The following PSMC1 variants were observed in gnomAD, a reference collection of about 807,000 sequenced individuals.
PSMC1 encodes 26S proteasome regulatory subunit 4.
A neutral mutation model predicts 49.8 loss-of-function variants in PSMC1; 5 were observed. The ratio of observed to expected loss-of-function variants is 0.10; its 90% confidence interval spans 0.05 to 0.21. The LOEUF (loss-of-function observed/expected upper bound fraction) is 0.21, where lower values mean the gene tolerates loss of function less well. Among genes scored for constraint, PSMC1 ranks in the 10% least tolerant of loss-of-function variants. The probability of loss-of-function intolerance (pLI) is 1.00; values close to 1 mark genes in which losing one functional copy is unlikely to be tolerated. For synonymous variants in PSMC1, 155 were observed against 192.1 expected (o/e 0.81, Z 1.60); for missense variants, 181 against 535.7 (o/e 0.34, Z 6.54).
chr14:90,270,424 T>C (rs1046064411), intron 10 of PSMC1, 72 bp downstream of exon 10: 1 of 1,510,784 alleles, frequency 6.6e-7, no homozygotes, highest in Middle Eastern at 1.7e-4. Context: ...ATATGTGCTC[T>C]TGGGATGGTG....
intron 8 of PSMC1, 173 bp from the exon 9 acceptor site, chr14:90,269,224 C>A: frequency 1.6e-6 from 1 of 609,492 alleles, no homozygotes; most frequent in Non-Finnish European, 2.8e-6. Context: ...TACATTCAGA[C>A]CATGGCAAGG....
chr14:90,272,082 T>G lies in PSMC1; in HGVS notation c.1189-191T>G. 2.3e-6 allele frequency: 1 copy of G among 438,022 alleles called. No individual in the cohort carries two copies. The highest frequency in any genetic ancestry group is 4.2e-6 in the Non-Finnish European group (1 of 239,190). The allele number at this position is 438,022 out of a possible 1,614,324, so 27.1% of individuals were successfully genotyped here. A position where few individuals can be genotyped will look rare whatever the true frequency, so the allele number is the denominator to read the frequency against. ...TAACTTTTTGTATTTTTAGTAGAGA[T>G]GGGGTTTCACCGTGTTGGCCAGGCT... On this transcript the variant is annotated intron_variant, in intron 10 of 10. Coordinates refer to ENST00000261303, the MANE Select transcript of PSMC1 (RefSeq NM_002802.3). This position sits in a 1 kb window ranked among gnomAD's most constrained non-coding sequence, Gnocchi z 4.5.
intron 9 of PSMC1, chr14:90,269,850 T>C: frequency 5.1e-6 from 2 of 394,356 alleles, no homozygotes; most frequent in South Asian, 4.8e-5. Context: ...GATGGTAGGA[T>C]TTGTCCTTTT....
rs749395699 is a variant in PSMC1, at chr14:90,265,092, C to G, written c.617C>G (p.Thr206Ser). The change falls in exon 7 of 11, where the codon ACC becomes AGC. Residue 206 changes from threonine to serine, a missense_variant. By Grantham distance (58) the Thr-to-Ser change is moderately conservative (BLOSUM62 1). Transcript: ENST00000261303. Reference protein sequence around the residue: ...EIKESVELPLTHPEYYEEMGI... With the variant: ...EIKESVELPLSHPEYYEEMGI... ...TAGGAATCTGTGGAGCTTCCTCTCA[C>G]CCATCCTGAATATTATGAAGAGATG... 1 of 1,612,300 alleles carries G rather than the reference C, an allele frequency of 6.2e-7. No individual in the cohort carries two copies. Among genetic ancestry groups the G allele is most frequent in the Non-Finnish European group, 8.5e-7 (1 of 1,178,790 alleles).
chr14:90,269,662 CTT>C lies in PSMC1; in HGVS notation c.1033+115_1033+116del. ...TAAAAAAGCAAATACTGCAGTGAAA[CTT>C]AGGATAATTTACAAAAAAATAGGTC... On this transcript the variant is annotated intron_variant, in intron 9 of 10. Transcript: ENST00000261303. 4 of 1,216,354 alleles carry C rather than the reference CTT, an allele frequency of 3.3e-6. No homozygotes were observed. The South Asian group carries it at 4.6e-5, about 14-fold the overall frequency. 75.3% of individuals were successfully genotyped at this position (1,216,354 alleles called of 1,614,324 possible). A position where few individuals can be genotyped will look rare whatever the true frequency, so the allele number is the denominator to read the frequency against.
At chr14:90,269,844 G>A (rs923177687) in intron 9 of PSMC1, 3 of 394,190 alleles carry the variant, frequency 7.6e-6, no homozygotes, top group African/African-American at 4.1e-5. Context: ...TCATGTGATG[G>A]TAGGATTTGT....
intron 3 of PSMC1, among the ~76,000 whole-genome samples, chr14:90,261,962 T>C (rs1271577964): frequency 1.3e-5 from 2 of 151,900 alleles, no homozygotes; most frequent in Non-Finnish European, 2.9e-5. Flanking sequence ...TGGAATACTA[T>C]GCAGCCATAA....
At position 90,272,231 on chromosome 14, in the gene PSMC1, A is replaced by T; in HGVS notation, c.1189-42A>T. On this transcript the variant is annotated intron_variant, in intron 10 of 10. Transcript: ENST00000261303. The surrounding 1 kb of genome is among the most constrained non-coding windows in gnomAD (Gnocchi z 4.5). ...TTTTGGAATTCCTTGTTAGAATAAA[A>T]ATGAGTATGTCACTTTCTGAACACA... The T allele has an allele frequency of 6.3e-7, 1 of 1,594,278 alleles. No individual in the cohort carries two copies. The highest frequency in any genetic ancestry group is 8.5e-7 in the Non-Finnish European group (1 of 1,174,732).
At chr14:90,260,344 T>C (rs1891373462) in intron 3 of PSMC1, 133 bp downstream of exon 3, 1 of 652,722 alleles carries the variant, frequency 1.5e-6, no homozygotes, top group East Asian at 2.6e-5. Context: ...GATTCATTTC[T>C]ACCTCACTCT....
chr14:90,260,188 AT>A lies in PSMC1; in HGVS notation c.132del (p.Asp44GlufsTer9). The A allele has an allele frequency of 6.2e-7, 1 of 1,611,622 alleles. No homozygotes were observed. The highest frequency in any genetic ancestry group is 8.5e-7 in the Non-Finnish European group (1 of 1,178,430). ...GKKKKKTKGP[D>X]AASKLPLVTP... ...AAGAAGAAGAAAACAAAGGGACCAG[AT>A]GCTGCCAGCAAACTGCCACTGGGTA... is the stretch of plus-strand genomic sequence containing the variant. On this transcript the variant is annotated frameshift_variant, in exon 3 of 11. Coordinates refer to ENST00000261303, the MANE Select transcript of PSMC1 (RefSeq NM_002802.3). LOFTEE classifies it high-confidence loss of function.
chr14:90,272,257 CTCT>C lies in PSMC1; in HGVS notation c.1189-11_1189-9del, dbSNP rs780656977. ...ATGAGTATGTCACTTTCTGAACACA[CTCT>C]TCTTTCTTACAGGCAATCTGTACAG... is the stretch of plus-strand genomic sequence containing the variant. On this transcript the variant is annotated splice_polypyrimidine_tract_variant and intron_variant, in intron 10 of 10. Coordinates refer to ENST00000261303, the MANE Select transcript of PSMC1 (RefSeq NM_002802.3). The surrounding 1 kb of genome is among the most constrained non-coding windows in gnomAD (Gnocchi z 4.5). 10 of 1,601,244 alleles carry C rather than the reference CTCT, an allele frequency of 6.2e-6. No homozygotes were observed. The South Asian group carries it at 9.0e-5, about 14-fold the overall frequency.
chr14:90,274,838 A>ACACACACCCCCC lies in PSMC1; in HGVS notation c.*2432_*2433insACACACCCCCCC, dbSNP rs1491397403. On this transcript the variant is annotated 3_prime_UTR_variant, in exon 11 of 11. Coordinates refer to ENST00000261303, the MANE Select transcript of PSMC1 (RefSeq NM_002802.3). ...CACACACACACACACACACACACACACCCCAATACATATGAATTGATCTGA... is the reference window on the plus strand; with the variant it reads ...CACACACACACACACACACACACACACACACACCCCCCCCCCAATACATATGAATTGATCTGA... 10 of 67,180 alleles carry ACACACACCCCCC rather than the reference A, an allele frequency of 1.5e-4. No homozygotes were observed. The highest frequency in any genetic ancestry group is 2.9e-4 in the Non-Finnish European group (9 of 31,316). The allele number at this position is 67,180 out of a possible 1,614,324, so 4.2% of individuals were successfully genotyped here.
Position 90,269,487 on chromosome 14 carries a change from T to C in PSMC1, c.972T>C (p.Asp324=). Residue 324 remains aspartate, a synonymous_variant, in exon 9 of 11, where the codon GAT becomes GAC. Transcript: ENST00000261303. ...NQLDGFDSRG[D]VKVIMATNRI... is the part of the protein sequence containing the mutation. ...TGGATGGATTTGATTCTAGGGGAGA[T>C]GTGAAAGTTATCATGGCCACAAACC... is the stretch of plus-strand genomic sequence containing the variant. 8 of 1,613,850 alleles carry C rather than the reference T, an allele frequency of 5.0e-6. No homozygotes were observed. The highest frequency in any genetic ancestry group is 1.1e-5 in the South Asian group (1 of 91,064).
intron 6 of PSMC1, 45 bp from the exon 7 acceptor site, chr14:90,265,025 G>T (rs755009972): frequency 1.5e-6 from 2 of 1,368,022 alleles, no homozygotes; most frequent in South Asian, 1.2e-5. Flanking sequence ...TAGTAAATAT[G>T]CTAATAATTT....
intron 1 of PSMC1, among the ~76,000 whole-genome samples, chr14:90,257,344 G>A (rs528616476): frequency 1.3e-5 from 2 of 152,242 alleles, no homozygotes; most frequent in African/African-American, 4.8e-5. Context: ...TGATGTCAGG[G>A]GTGGGGTGGT....
rs953331956 is a variant in PSMC1, at chr14:90,273,456, G to A, written c.*1049G>A. ...GCCTGTAGTCCCAGCTACTCAGGAG[G>A]CTGAGGCAGGACAATCGCTTGAACC... On this transcript the variant is annotated 3_prime_UTR_variant, in exon 11 of 11. Coordinates refer to ENST00000261303, the MANE Select transcript of PSMC1 (RefSeq NM_002802.3). 1.3e-5 allele frequency: 2 copies of A among 152,254 alleles called. No individual in the cohort carries two copies. The highest frequency in any genetic ancestry group is 4.8e-5 in the African/African-American group (2 of 41,442). The allele number at this position is 152,254 out of a possible 1,614,324, so 9.4% of individuals were successfully genotyped here. A position where few individuals can be genotyped will look rare whatever the true frequency, so the allele number is the denominator to read the frequency against.
At chr14:90,265,192 A>G in intron 7 of PSMC1, 26 bp downstream of exon 7, 1 of 1,519,998 alleles carries the variant, frequency 6.6e-7, no homozygotes, top group Non-Finnish European at 9.1e-7. Context: ...GACACTTTCC[A>G]GGCACCCAGC....
chr14:90,262,792 A>G (rs1417765288), intron 3 of PSMC1, among the ~76,000 whole-genome samples: 1 of 152,208 alleles, frequency 6.6e-6, no homozygotes, highest in Non-Finnish European at 1.5e-5. Context: ...GTCTCAAAAA[A>G]AAAAAAAGAC....
At chr14:90,264,246 TTG>T in intron 6 of PSMC1, 77 bp downstream of exon 6, 1 of 1,571,230 alleles carries the variant, frequency 6.4e-7, no homozygotes. Flanking sequence ...TGCAGGTGTT[TTG>T]TATGTTTGCT....
Sources: allele counts gnomAD v4.1 joint callset (sites outside exome capture counted in the v4.1 genomes callset), GRCh38; gene constraint gnomAD v4.1.1; non-coding constraint Gnocchi (gnomAD v3.1); transcripts MANE v1.5; gene names NCBI Gene and HGNC (gene_info 2026-07-23, HGNC 2026-07-21).